FRMD4B: variants seen among roughly 807,000 people sequenced by gnomAD.
FRMD4B encodes FERM domain-containing protein 4B.
FRMD4B carries 74 observed loss-of-function variants against 141.5 expected under a neutral mutation model. The ratio of observed to expected loss-of-function variants is 0.52; its 90% CI spans 0.43 to 0.63. FRMD4B has a LOEUF of 0.63. Among genes scored for constraint, FRMD4B ranks in the 30% least tolerant of loss-of-function variants. The probability of loss-of-function intolerance (pLI) is 0.00; values close to 1 mark genes in which losing one functional copy is unlikely to be tolerated. For missense variants in FRMD4B, 1,366 were observed against 1,253.4 expected (o/e 1.09, Z -1.36); for synonymous variants, 506 against 467.9 (o/e 1.08, Z -1.05).
chr3:69,410,192 A>G (rs966820477), intron 2 of FRMD4B, among the ~76,000 whole-genome samples: 1 of 152,170 alleles, frequency 6.6e-6, no homozygotes, highest in Non-Finnish European at 1.5e-5. Context: ...CTCTGAGCCC[A>G]TCTCTTGCTC....
chr3:69,267,017 T>A (rs978787942), intron 5 of FRMD4B, among the ~76,000 whole-genome samples: 3 of 152,214 alleles, frequency 2.0e-5, no homozygotes, highest in Non-Finnish European at 4.4e-5. Context: ...CTAGTGATTC[T>A]AAAACTTTGG....
intron 5 of FRMD4B, among the ~76,000 whole-genome samples, chr3:69,267,593 G>GTA (rs2093569677): frequency 4.1e-5 from 4 of 98,002 alleles, no homozygotes; most frequent in African/African-American, 1.8e-4. Context: ...GTGTGTGTGT[G>GTA]TGTATATATA....
intron 7 of FRMD4B, among the ~76,000 whole-genome samples, chr3:69,232,592 A>G (rs1185878232): frequency 6.6e-6 from 1 of 152,146 alleles, no homozygotes; most frequent in Non-Finnish European, 1.5e-5. Flanking sequence ...CTCATTTTTG[A>G]GAAAGCCACA....
intron 1 of FRMD4B, among the ~76,000 whole-genome samples, chr3:69,527,119 C>A (rs946537244): frequency 6.6e-6 from 1 of 152,150 alleles, no homozygotes; most frequent in South Asian, 2.1e-4. Context: ...CTCTCTCCCC[C>A]ATTCAGCTGT....
intron 5 of FRMD4B, among the ~76,000 whole-genome samples, chr3:69,278,597 C>T (rs1169443702): frequency 8.1e-6 from 1 of 123,024 alleles, no homozygotes; most frequent in Admixed American, 1.0e-4. Context: ...CCAGTGGCCC[C>T]AAATTGCTTT....
chr3:69,532,676 A>T (rs1701022760), intron 1 of FRMD4B, among the ~76,000 whole-genome samples: 1 of 152,174 alleles, frequency 6.6e-6, no homozygotes, highest in South Asian at 2.1e-4. Context: ...CACTTGGATG[A>T]AGCAGGGCCA....
intron 2 of FRMD4B, among the ~76,000 whole-genome samples, chr3:69,403,262 T>C (rs776186954): frequency 5.9e-5 from 9 of 152,194 alleles, no homozygotes; most frequent in Non-Finnish European, 1.3e-4. Flanking sequence ...AAAGAAGCTA[T>C]GTGCAGGCAT....
intron 2 of FRMD4B, among the ~76,000 whole-genome samples, chr3:69,419,850 G>C (rs1453608455): frequency 1.3e-5 from 2 of 152,112 alleles, no homozygotes; most frequent in African/African-American, 2.4e-5. Context: ...GTTTAAAATG[G>C]GTCAAGGTGT....
At chr3:69,400,052 G>T (rs1704534985) in intron 2 of FRMD4B, among the ~76,000 whole-genome samples, 1 of 152,058 alleles carries the variant, frequency 6.6e-6, no homozygotes, top group South Asian at 2.1e-4. Context: ...AAATGTAAAA[G>T]CTATGAGTGA....
intron 1 of FRMD4B, among the ~76,000 whole-genome samples, chr3:69,483,043 C>T (rs973565344): frequency 3.3e-5 from 5 of 152,142 alleles, no homozygotes; most frequent in Non-Finnish European, 5.9e-5. Flanking sequence ...CTAGGAATAT[C>T]GGTCTTCCTT....
intron 10 of FRMD4B, among the ~76,000 whole-genome samples, chr3:69,217,316 G>C (rs191586468): frequency 1.3e-5 from 2 of 152,118 alleles, no homozygotes; most frequent in Non-Finnish European, 2.9e-5. Flanking sequence ...ACCAGAGTCA[G>C]TAGAAATTAA....
At chr3:69,223,828 CA>C (rs926088161) in intron 8 of FRMD4B, among the ~76,000 whole-genome samples, 14 of 151,912 alleles carry the variant, frequency 9.2e-5, no homozygotes, top group African/African-American at 3.1e-4. Context: ...GACTCTGTCT[CA>C]AAAAAACAAA....
At chr3:69,479,965 C>A (rs1189018183) in intron 1 of FRMD4B, among the ~76,000 whole-genome samples, 1 of 152,098 alleles carries the variant, frequency 6.6e-6, no homozygotes, top group Non-Finnish European at 1.5e-5. Context: ...TTTCATCTTC[C>A]ATCACTGATA....
intron 7 of FRMD4B, among the ~76,000 whole-genome samples, chr3:69,233,468 G>C (rs1016431139): frequency 6.7e-6 from 1 of 148,912 alleles, no homozygotes; most frequent in Admixed American, 6.7e-5. Flanking sequence ...GGGTGACAGA[G>C]TGAGACCCTG....
At chr3:69,290,651 A>G (rs1700843026) in intron 4 of FRMD4B, among the ~76,000 whole-genome samples, 1 of 152,200 alleles carries the variant, frequency 6.6e-6, no homozygotes, top group South Asian at 2.1e-4. Flanking sequence ...GCAGGATCCC[A>G]GCTAACATTT....
intron 1 of FRMD4B, among the ~76,000 whole-genome samples, chr3:69,508,915 G>A (rs1053637451): frequency 3.9e-5 from 6 of 152,170 alleles, no homozygotes; most frequent in Admixed American, 2.6e-4. Context: ...ACAATCTCAA[G>A]ACCACACAGC....
In FRMD4B at chr3:69,251,431, C is replaced by A. The variant is rs527448045; in HGVS notation, c.502-1332G>T. On this transcript the variant is annotated intron_variant, in intron 5 of 22. Coordinates refer to ENST00000398540, the MANE Select transcript of FRMD4B (RefSeq NM_015123.3). ...ATTGTGCTTTTCTTTCAGGTTTCCA[C>A]GTGATTTGAAGAGGGTTCTCAAAAA... Among the ~76,000 whole-genome samples, 10 of 152,198 alleles carry A rather than the reference C, an allele frequency of 6.6e-5. No homozygotes were observed. The South Asian group carries it at 1.0e-3, about 16-fold the overall frequency.
At chr3:69,452,853 AAAGT>A (rs1436875238) in intron 1 of FRMD4B, among the ~76,000 whole-genome samples, 3 of 152,252 alleles carry the variant, frequency 2.0e-5, no homozygotes, top group Non-Finnish European at 2.9e-5. Context: ...CACATTAATA[AAAGT>A]AAGAAAGAAA....
intron 1 of FRMD4B, among the ~76,000 whole-genome samples, chr3:69,492,415 C>T (rs1408423315): frequency 1.3e-5 from 2 of 152,216 alleles, no homozygotes; most frequent in African/African-American, 4.8e-5. Context: ...AACCAGCATT[C>T]TAACCTGAGC....
Sources: gnomAD v4.1 joint callset for allele counts (sites outside exome capture counted in the v4.1 genomes callset) on GRCh38, gnomAD v4.1.1 for gene constraint, MANE v1.5 for transcripts, NCBI Gene and HGNC (gene_info 2026-07-23, HGNC 2026-07-21) for gene names.